Variants in MOB1B observed in about 807,000 individuals in gnomAD.
MOB1B encodes MOB kinase activator 1B, also known as MOB1 Mps One Binder homolog B.
A neutral mutation model predicts 24.4 loss-of-function variants in MOB1B; 19 were observed. The observed-to-expected ratio is 0.78, with a 90% CI of 0.54 to 1.14. The LOEUF is 1.14. MOB1B is among the 50% of genes most tolerant of loss of function. The probability of loss-of-function intolerance (pLI) is 0.00; values close to 1 mark genes in which losing one functional copy is unlikely to be tolerated. For synonymous variants in MOB1B, 76 were observed against 82.1 expected (o/e 0.93, Z 0.40); for missense variants, 243 against 259.6 (o/e 0.94, Z 0.44).
chr4:70,930,261 A>C (rs1736838515), intron 1 of MOB1B, among the ~76,000 whole-genome samples: 1 of 152,126 alleles, frequency 6.6e-6, no homozygotes, highest in Non-Finnish European at 1.5e-5. Flanking sequence ...TTTAGTGTAC[A>C]TAAACATGTT....
At chr4:70,955,634 C>T (rs1738014796) in intron 1 of MOB1B, among the ~76,000 whole-genome samples, 1 of 151,542 alleles carries the variant, frequency 6.6e-6, no homozygotes, top group South Asian at 2.1e-4. Context: ...CCATGCCCAG[C>T]TAATTTTTGT....
chr4:70,949,540 T>C (rs1243897279), intron 1 of MOB1B, among the ~76,000 whole-genome samples: 3 of 152,196 alleles, frequency 2.0e-5, no homozygotes, highest in Non-Finnish European at 4.4e-5. Flanking sequence ...GAATTTTACT[T>C]TTTCTTACTG....
chr4:70,980,601 C>T lies in MOB1B; in HGVS notation c.573+1310C>T, dbSNP rs182779678. Among the ~76,000 whole-genome samples the T allele has an allele frequency of 2.0e-4, 30 of 152,298 alleles. No individual in the cohort carries two copies. The East Asian group carries it at 5.6e-3, about 28-fold the overall frequency. ...GGGCCCCACAATTTAGAGATACCTG[C>T]TCTGGTCCTTCTGCTGCCTGCACCC... On this transcript the variant is annotated intron_variant, in intron 5 of 5. Coordinates refer to ENST00000309395, the MANE Select transcript of MOB1B (RefSeq NM_173468.4).
At chr4:70,968,637 C>G (rs2148899059) in intron 2 of MOB1B, among the ~76,000 whole-genome samples, 1 of 152,112 alleles carries the variant, frequency 6.6e-6, no homozygotes. Context: ...TTTTTTGAGA[C>G]AAGGTCTCGT....
At chr4:70,916,458 C>T (rs1011833362) in intron 1 of MOB1B, among the ~76,000 whole-genome samples, 1 of 152,214 alleles carries the variant, frequency 6.6e-6, no homozygotes, top group Non-Finnish European at 1.5e-5. Context: ...CCAAGAGTTG[C>T]TTACCCAAGG....
intron 1 of MOB1B, among the ~76,000 whole-genome samples, chr4:70,940,511 G>T (rs1472753872): frequency 6.6e-6 from 1 of 152,118 alleles, no homozygotes; most frequent in Non-Finnish European, 1.5e-5. Context: ...TAACATGGTG[G>T]TGACTTGCCC....
intron 1 of MOB1B, among the ~76,000 whole-genome samples, chr4:70,911,815 A>G (rs967963447): frequency 6.6e-6 from 1 of 152,160 alleles, no homozygotes; most frequent in Admixed American, 6.5e-5. Flanking sequence ...AGGAATGTCA[A>G]ACTGAGTCCT....
intron 2 of MOB1B, among the ~76,000 whole-genome samples, chr4:70,968,579 G>C (rs1291055013): frequency 6.6e-6 from 1 of 152,150 alleles, no homozygotes; most frequent in South Asian, 2.1e-4. Context: ...CCAAAGTGCT[G>C]AGATTACAGG....
intron 1 of MOB1B, among the ~76,000 whole-genome samples, chr4:70,941,140 C>G (rs2148884913): frequency 6.7e-6 from 1 of 149,786 alleles, no homozygotes; most frequent in South Asian, 2.1e-4. Flanking sequence ...GCTATCATAT[C>G]TCTCTTGGCT....
Position 70,977,990 on chromosome 4 carries a change from T to A in MOB1B, c.410-1138T>A, listed in dbSNP as rs1349859887. Among the ~76,000 whole-genome samples, 21 of 152,166 alleles carry A rather than the reference T, an allele frequency of 1.4e-4. 1 individual carries two copies. Among genetic ancestry groups the A allele is most frequent in the Non-Finnish European group, 3.1e-4 (21 of 68,024 alleles). On this transcript the variant is annotated intron_variant, in intron 4 of 5. Transcript: ENST00000309395. ...GGTGTGAGTCACTGCCCAGCTTCAG[T>A]ACACTAAGTACACTATTTGTAACTA...
chr4:70,955,032 C>G (rs1042809704), intron 1 of MOB1B, among the ~76,000 whole-genome samples: 2 of 152,054 alleles, frequency 1.3e-5, no homozygotes, highest in African/African-American at 4.8e-5. Context: ...GTGGTCTGCC[C>G]GCCTCGGCCT....
intron 1 of MOB1B, among the ~76,000 whole-genome samples, chr4:70,932,260 G>T (rs1736916540): frequency 6.6e-6 from 1 of 152,040 alleles, no homozygotes; most frequent in Admixed American, 6.6e-5. Context: ...CATCCATCAT[G>T]TAGATTATAT....
intron 4 of MOB1B, 139 bp downstream of exon 4, chr4:70,975,425 C>A: frequency 7.4e-7 from 1 of 1,348,896 alleles, no homozygotes. Flanking sequence ...ACGCAGTTCC[C>A]AAGAAGAGGC....
chr4:70,909,071 G>A (rs1162305982), intron 1 of MOB1B, among the ~76,000 whole-genome samples: 3 of 150,478 alleles, frequency 2.0e-5, no homozygotes, highest in Admixed American at 6.6e-5. Context: ...AAAAAAATTA[G>A]CAATTTAGGA....
Position 70,975,173 on chromosome 4 carries a change from AT to A in MOB1B, c.297del (p.Asp99GlufsTer5). ...AGPKYEYHWA[D>X]GTNIKKPIKC... Reference sequence around the variant, plus strand: ...TGCAGATATGAGTATCATTGGGCAGATGGAACGAACATAAAGAAACCTATTA... The same window carrying A: ...TGCAGATATGAGTATCATTGGGCAGAGGAACGAACATAAAGAAACCTATTA... On this transcript the variant is annotated frameshift_variant, in exon 4 of 6. Coordinates refer to ENST00000309395, the MANE Select transcript of MOB1B (RefSeq NM_173468.4). LOFTEE classifies it high-confidence loss of function. The A allele has an allele frequency of 1.2e-6, 2 of 1,608,684 alleles. No homozygotes were observed. Among genetic ancestry groups the A allele is most frequent in the Non-Finnish European group, 1.7e-6 (2 of 1,178,162 alleles).
intron 1 of MOB1B, among the ~76,000 whole-genome samples, chr4:70,958,054 A>G (rs1738141648): frequency 6.6e-6 from 1 of 152,076 alleles, no homozygotes; most frequent in South Asian, 2.1e-4. Context: ...AATTGGAGCA[A>G]ACCAGCCACA....
At chr4:70,944,714 C>G (rs79117691) in intron 1 of MOB1B, among the ~76,000 whole-genome samples, 1 of 151,916 alleles carries the variant, frequency 6.6e-6, no homozygotes, top group East Asian at 1.9e-4. Context: ...AGAGCAGGTA[C>G]GTCACATGGC....
At chr4:70,976,177 C>T in intron 4 of MOB1B, 1 of 984,032 alleles carries the variant, frequency 1.0e-6, no homozygotes, top group Non-Finnish European at 1.2e-6. Flanking sequence ...ACTGGGAACC[C>T]TCTCTATAAT....
chr4:70,963,627 G>A (rs904285132), intron 2 of MOB1B, among the ~76,000 whole-genome samples: 4 of 151,920 alleles, frequency 2.6e-5, no homozygotes, highest in African/African-American at 7.3e-5. Context: ...TGAGACCATC[G>A]TGGACAACAT....
Sources: gnomAD v4.1 joint callset for allele counts (sites outside exome capture counted in the v4.1 genomes callset) on GRCh38, gnomAD v4.1.1 for gene constraint, MANE v1.5 for transcripts, NCBI Gene and HGNC (gene_info 2026-07-23, HGNC 2026-07-21) for gene names.